HRH2: variants seen among roughly 807,000 people sequenced by gnomAD.
HRH2 encodes the protein histamine receptor H2.
HRH2 carries 4 observed loss-of-function variants against 20.1 expected under a neutral mutation model. The observed-to-expected ratio is 0.20, with a 90% CI of 0.10 to 0.45. The LOEUF is 0.45. Ranked by LOEUF, HRH2 falls within the 20% of genes least tolerant of loss-of-function variation. The pLI is 0.99. For synonymous variants in HRH2, 197 were observed against 200.7 expected (o/e 0.98, Z 0.16); for missense variants, 250 against 461.6 (o/e 0.54, Z 4.20).
intron 1 of HRH2, among the ~76,000 whole-genome samples, chr5:175,662,698 C>A (rs2113469040): frequency 6.6e-6 from 1 of 152,212 alleles, no homozygotes; most frequent in East Asian, 1.9e-4. Flanking sequence ...TAAAAGTCAC[C>A]AATTCAAATG....
At chr5:175,707,444 C>G (rs550601100) in intron 2 of HRH2, among the ~76,000 whole-genome samples, 1 of 152,254 alleles carries the variant, frequency 6.6e-6, no homozygotes, top group African/African-American at 2.4e-5. Flanking sequence ...ACCACAAACA[C>G]AAAAACAAAA....
rs139625815 is a variant in HRH2 at position 175,677,391 on chromosome 5, C to A, written c.-525-5318C>A. ...AAAAACATGAGCTCAGGTATCTTTT[C>A]GATGTATCGGTCAGCATTTCTTAAA... On this transcript the variant is annotated intron_variant, in intron 1 of 2. Coordinates refer to ENST00000636584, the MANE Select transcript of HRH2 (RefSeq NM_001367711.1). This position sits in a 1 kb window ranked among gnomAD's most constrained non-coding sequence, Gnocchi z 4.2. 1.3e-5 allele frequency among the ~76,000 whole-genome samples: 2 copies of A among 152,162 alleles called. No individual in the cohort carries two copies. Among genetic ancestry groups the A allele is most frequent in the Non-Finnish European group, 2.9e-5 (2 of 68,034 alleles).
Position 175,660,534 on chromosome 5 carries a change from T to C in HRH2, c.-526+2379T>C, listed in dbSNP as rs76534228. Among the ~76,000 whole-genome samples, 1,051 of 152,258 alleles carry C rather than the reference T, an allele frequency of 6.9e-3. 14 individuals carry two copies. The highest frequency in any genetic ancestry group is 0.024 in the African/African-American group (1,002 of 41,542). On this transcript the variant is annotated intron_variant, in intron 1 of 2. Transcript: ENST00000636584. ...GAAATAGGCTAAAGAGGGTTAACAG[T>C]GTTTGCCCATGGATGGTGGGGTTGT...
intron 2 of HRH2, among the ~76,000 whole-genome samples, chr5:175,699,339 T>TA (rs1415246952): frequency 6.6e-6 from 1 of 152,188 alleles, no homozygotes; most frequent in East Asian, 1.9e-4. Flanking sequence ...AGCAATAGCC[T>TA]AAGGCAATGA....
At chr5:175,688,062 C>A (rs903781818) in intron 2 of HRH2, among the ~76,000 whole-genome samples, 1 of 152,192 alleles carries the variant, frequency 6.6e-6, no homozygotes, top group Non-Finnish European at 1.5e-5. Context: ...GCCCCTCTCA[C>A]ATCACTCCAG....
Position 175,685,464 on chromosome 5 carries a change from CATTT to C in HRH2, c.1076+1156_1076+1159del, listed in dbSNP as rs1756139304. 13 of 1,551,476 alleles carry C rather than the reference CATTT, an allele frequency of 8.4e-6. No homozygotes were observed. The East Asian group carries it at 9.8e-5, about 12-fold the overall frequency. On this transcript the variant is annotated intron_variant, in intron 2 of 2. Coordinates refer to ENST00000636584, the MANE Select transcript of HRH2 (RefSeq NM_001367711.1). ...TGTGGAACTGACCCATTCATTCATT[CATTT>C]GTTCATTCATTCATTTGCAAACATT...
At position 175,709,381 on chromosome 5, in the gene HRH2, G is replaced by T. The variant is rs1757030649; in HGVS notation, c.*1410G>T. 6.6e-6 allele frequency: 1 copy of T among 152,210 alleles called. No individual in the cohort carries two copies. The highest frequency in any genetic ancestry group is 1.5e-5 in the Non-Finnish European group (1 of 68,080). 9.4% of individuals were successfully genotyped at this position (152,210 alleles called of 1,614,324 possible). A position where few individuals can be genotyped will look rare whatever the true frequency, so the allele number is the denominator to read the frequency against. ...CTCCAGTTACAAGGCACGAGGTTTG[G>T]TTATGAAATCACTCACAGATTTATA... On this transcript the variant is annotated 3_prime_UTR_variant, in exon 3 of 3. Coordinates refer to ENST00000636584, the MANE Select transcript of HRH2 (RefSeq NM_001367711.1).
chr5:175,696,540 A>C (rs1756584524), intron 2 of HRH2, among the ~76,000 whole-genome samples: 1 of 152,242 alleles, frequency 6.6e-6, no homozygotes, highest in Non-Finnish European at 1.5e-5. Flanking sequence ...CATATCGATC[A>C]TGTGGAGGTT....
chr5:175,685,518 G>A (rs1756140815), intron 2 of HRH2: 1 of 1,503,288 alleles, frequency 6.7e-7, no homozygotes, highest in Admixed American at 2.0e-5. Flanking sequence ...CACATGCCAG[G>A]AATTATGATG....
chr5:175,705,349 C>T (rs1272003355), intron 2 of HRH2, among the ~76,000 whole-genome samples: 1 of 152,118 alleles, frequency 6.6e-6, no homozygotes, highest in Non-Finnish European at 1.5e-5. Flanking sequence ...CACTCAAATA[C>T]CTATACACCG....
rs945907917 is a variant in HRH2, at chr5:175,677,461, G to T, written c.-525-5248G>T. Among the ~76,000 whole-genome samples, 1 of 152,208 alleles carries T rather than the reference G, an allele frequency of 6.6e-6. No homozygotes were observed. Among genetic ancestry groups the T allele is most frequent in the East Asian group, 1.9e-4 (1 of 5,188 alleles). On this transcript the variant is annotated intron_variant, in intron 1 of 2. Coordinates refer to ENST00000636584, the MANE Select transcript of HRH2 (RefSeq NM_001367711.1). This position sits in a 1 kb window ranked among gnomAD's most constrained non-coding sequence, Gnocchi z 4.2. Reference sequence around the variant, plus strand: ...TAAGTGGGAAGAAAGGGCTCCCTGGGAAGGCCAGGGATCATTTCAGCTCTG... The same window carrying T: ...TAAGTGGGAAGAAAGGGCTCCCTGGTAAGGCCAGGGATCATTTCAGCTCTG...
rs370963540 is a variant in HRH2, at chr5:175,697,260, G to A, written c.1077-10519G>A. Among the ~76,000 whole-genome samples the A allele has an allele frequency of 1.5e-3, 235 of 152,000 alleles. 1 individual carries two copies. The highest frequency in any genetic ancestry group is 5.2e-3 in the African/African-American group (215 of 41,454). ...GGGCGGATCACGAGGTCAGGAGATCGAGACCATCCTGGCTAACACGGTGAA... is the reference window on the plus strand; with the variant it reads ...GGGCGGATCACGAGGTCAGGAGATCAAGACCATCCTGGCTAACACGGTGAA... On this transcript the variant is annotated intron_variant, in intron 2 of 2. Coordinates refer to ENST00000636584, the MANE Select transcript of HRH2 (RefSeq NM_001367711.1).
rs138204973 is a variant in HRH2 at position 175,665,385 on chromosome 5, G to T, written c.-526+7230G>T. Among the ~76,000 whole-genome samples, 758 of 152,270 alleles carry T rather than the reference G, an allele frequency of 5.0e-3. 11 individuals are homozygous for T. Among genetic ancestry groups the T allele is most frequent in the Middle Eastern group, 6.8e-3 (2 of 294 alleles). On this transcript the variant is annotated intron_variant, in intron 1 of 2. Transcript: ENST00000636584. ...GATCTGGATATGCACAAGCACAGAA[G>T]TGTGAGAATTAAAGAGAGTTAAAGA... is the stretch of plus-strand genomic sequence containing the variant.
chr5:175,684,201 A>G lies in HRH2; in HGVS notation c.968A>G (p.Gln323Arg). 6.2e-7 allele frequency: 1 copy of G among 1,614,182 alleles called. No homozygotes were observed. Residue 323 changes from glutamine to arginine, a missense_variant, in exon 2 of 3, where the codon CAG becomes CGG. By Grantham distance (43) the Gln-to-Arg change is conservative. Transcript: ENST00000636584. ...ACTTCTCTGAGGTCCAACGCCTCTC[A>G]GCTGTCCAGGACCCAAAGCCGAGAA... ...HKTSLRSNAS[Q>R]LSRTQSREPR...
intron 2 of HRH2, among the ~76,000 whole-genome samples, chr5:175,691,829 A>C (rs1175173431): frequency 6.6e-6 from 1 of 150,534 alleles, no homozygotes; most frequent in Non-Finnish European, 1.5e-5. Flanking sequence ...GTTGCAGTGC[A>C]CTCCAGCCTA....
intron 2 of HRH2, among the ~76,000 whole-genome samples, chr5:175,685,009 G>T (rs545523548): frequency 6.6e-6 from 1 of 152,160 alleles, no homozygotes; most frequent in Non-Finnish European, 1.5e-5. Flanking sequence ...GGATGAGACT[G>T]TAGACGAGGG....
At chr5:175,684,335 AG>A in intron 2 of HRH2, 26 bp downstream of exon 2, 1 of 1,605,168 alleles carries the variant, frequency 6.2e-7, no homozygotes. Context: ...ATTGGTGCAC[AG>A]GATGGGGGCA....
chr5:175,667,217 G>A (rs1271040477), intron 1 of HRH2, among the ~76,000 whole-genome samples: 1 of 152,126 alleles, frequency 6.6e-6, no homozygotes, highest in Non-Finnish European at 1.5e-5. Context: ...GCTGAGGCAG[G>A]CAGATCACCT....
chr5:175,661,937 T>C (rs1209203345), intron 1 of HRH2, among the ~76,000 whole-genome samples: 3 of 151,976 alleles, frequency 2.0e-5, no homozygotes, highest in Non-Finnish European at 4.4e-5. Context: ...CAGGAGAATC[T>C]CTTGAACTCA....
Sources: gnomAD v4.1 joint callset for allele counts (sites outside exome capture counted in the v4.1 genomes callset) on GRCh38, gnomAD v4.1.1 for gene constraint, Gnocchi (gnomAD v3.1) non-coding constraint, MANE v1.5 for transcripts, NCBI Gene and HGNC (gene_info 2026-07-23, HGNC 2026-07-21) for gene names.